OMA1: variants seen among roughly 807,000 people sequenced by gnomAD.
The protein encoded by OMA1 is metalloendopeptidase OMA1, mitochondrial.
A neutral mutation model predicts 30.9 loss-of-function variants in OMA1; 38 were observed. The observed-to-expected ratio is 1.23, with a 90% CI of 0.95 to 1.61. OMA1 has a LOEUF of 1.61. OMA1 is among the 40% of genes most tolerant of loss of function. The pLI is 0.00. For missense variants in OMA1, 461 were observed against 349.2 expected (o/e 1.32, Z -2.55); for synonymous variants, 173 against 121.9 (o/e 1.42, Z -2.76).
chr1:58,538,074 G>C (rs1646546002), intron 2 of OMA1, among the ~76,000 whole-genome samples: 1 of 152,142 alleles, frequency 6.6e-6, no homozygotes, highest in South Asian at 2.1e-4. Flanking sequence ...CTTGGTTTTT[G>C]ATCAAAAGCA....
In OMA1 at chr1:58,485,208, A is replaced by G. The variant is rs141477591; in HGVS notation, c.1366-4034T>C. ...TTAAAAGTTGAAGCTTTAGAGTCTA[A>G]AAATAAAAGAGTCTACTACTAAAAA... On this transcript the variant is annotated intron_variant, in intron 8 of 8. Transcript: ENST00000371226. Among the ~76,000 whole-genome samples, 502 of 149,774 alleles carry G rather than the reference A, an allele frequency of 3.4e-3. 2 individuals carry two copies. The highest frequency in any genetic ancestry group is 5.1e-3 in the Non-Finnish European group (346 of 67,402).
intron 7 of OMA1, among the ~76,000 whole-genome samples, chr1:58,520,599 C>A (rs1646246919): frequency 6.6e-6 from 1 of 152,068 alleles, no homozygotes; most frequent in Non-Finnish European, 1.5e-5. Context: ...CACAAGAACA[C>A]AGGAGGTTTG....
intron 8 of OMA1, among the ~76,000 whole-genome samples, chr1:58,504,129 A>G (rs759934699): frequency 9.9e-5 from 15 of 152,206 alleles, no homozygotes; most frequent in Non-Finnish European, 2.1e-4. Context: ...AACATGAGTC[A>G]AATCAAGTCA....
chr1:58,526,923 G>T (rs1243627680), intron 7 of OMA1, among the ~76,000 whole-genome samples: 1 of 152,100 alleles, frequency 6.6e-6, no homozygotes, highest in African/African-American at 2.4e-5. Context: ...ATTTCAATTT[G>T]TATGTTTCAT....
intron 8 of OMA1, among the ~76,000 whole-genome samples, chr1:58,489,349 C>A (rs2100369157): frequency 6.6e-6 from 1 of 152,368 alleles, no homozygotes; most frequent in East Asian, 1.9e-4. Context: ...TCATTACTAG[C>A]ACAGCAGTCT....
At chr1:58,481,254 C>T (rs1185659468) in intron 8 of OMA1, 80 bp from the exon 9 acceptor site, 1 of 493,334 alleles carries the variant, frequency 2.0e-6, no homozygotes, top group East Asian at 3.3e-5. Context: ...CCCTAATATG[C>T]TCCATGTAAA....
chr1:58,546,039 T>C (rs1434832708), intron 1 of OMA1, among the ~76,000 whole-genome samples: 1 of 152,142 alleles, frequency 6.6e-6, no homozygotes, highest in Non-Finnish European at 1.5e-5. Flanking sequence ...GGACTACAAT[T>C]TCTTGTTGAG....
At chr1:58,520,038 T>C (rs1377716674) in intron 7 of OMA1, among the ~76,000 whole-genome samples, 1 of 151,974 alleles carries the variant, frequency 6.6e-6, no homozygotes, top group African/African-American at 2.4e-5. Flanking sequence ...AAGGGGGAGC[T>C]AAACATTGAC....
chr1:58,493,406 G>A (rs1466677826), intron 8 of OMA1, among the ~76,000 whole-genome samples: 1 of 152,116 alleles, frequency 6.6e-6, no homozygotes, highest in Non-Finnish European at 1.5e-5. Flanking sequence ...AGTGTTGGAA[G>A]TTCTGGCCAG....
chr1:58,513,168 G>A (rs528808700), intron 7 of OMA1, among the ~76,000 whole-genome samples: 1 of 152,104 alleles, frequency 6.6e-6, no homozygotes, highest in African/African-American at 2.4e-5. Context: ...TGCTGTTCTC[G>A]TGATACTGAG....
At chr1:58,487,854 A>T (rs895424405) in intron 8 of OMA1, among the ~76,000 whole-genome samples, 2 of 152,082 alleles carry the variant, frequency 1.3e-5, no homozygotes, top group Non-Finnish European at 2.9e-5. Context: ...ACATTATCTA[A>T]CTAAAAATAA....
At chr1:58,512,969 T>C (rs1646104567) in intron 7 of OMA1, among the ~76,000 whole-genome samples, 1 of 152,164 alleles carries the variant, frequency 6.6e-6, no homozygotes, top group Admixed American at 6.5e-5. Flanking sequence ...AATACTCAGT[T>C]TATCACAAGT....
At chr1:58,498,025 A>G (rs1645833710) in intron 8 of OMA1, among the ~76,000 whole-genome samples, 1 of 152,104 alleles carries the variant, frequency 6.6e-6, no homozygotes, top group Admixed American at 6.6e-5. Flanking sequence ...GCATAGAGAG[A>G]AAATTATTTT....
intron 1 of OMA1, among the ~76,000 whole-genome samples, chr1:58,546,256 C>G (rs1646702456): frequency 6.6e-6 from 1 of 152,228 alleles, no homozygotes; most frequent in African/African-American, 2.4e-5. Flanking sequence ...GAGACGAATG[C>G]CCGACGCGCC....
chr1:58,523,702 A>C (rs1010651661), intron 7 of OMA1, among the ~76,000 whole-genome samples: 2 of 152,158 alleles, frequency 1.3e-5, no homozygotes, highest in Non-Finnish European at 2.9e-5. Context: ...GATCGAGACC[A>C]TCCTGGCTAA....
At chr1:58,537,979 C>T (rs1646544109) in intron 2 of OMA1, among the ~76,000 whole-genome samples, 2 of 152,190 alleles carry the variant, frequency 1.3e-5, no homozygotes, top group African/African-American at 4.8e-5. Context: ...GAGCGTATTA[C>T]TTCAACCAAT....
At chr1:58,513,765 A>AT (rs1392917534) in intron 7 of OMA1, among the ~76,000 whole-genome samples, 1 of 152,228 alleles carries the variant, frequency 6.6e-6, no homozygotes, top group Non-Finnish European at 1.5e-5. Flanking sequence ...AACACATTAT[A>AT]TTAACTCATT....
chr1:58,499,506 A>ATAGATAGATAGG, intron 8 of OMA1, among the ~76,000 whole-genome samples: 1 of 135,356 alleles, frequency 7.4e-6, no homozygotes, highest in Admixed American at 7.4e-5. Context: ...AGATAGATAG[A>ATAGATAGATAGG]TAAATAGATA....
chr1:58,481,037 C>T lies in OMA1; in HGVS notation c.1503G>A (p.Met501Ile), dbSNP rs768227326. The change falls in exon 9 of 9, where the codon ATG (methionine) becomes ATA (isoleucine). Residue 501 changes from methionine to isoleucine, a missense_variant. Met to Ile is a conservative substitution (Grantham distance 10). Transcript: ENST00000371226. Reference sequence around the variant, plus strand: ...CCTGTTTTTGAATAGGAAGAGTATCCATTTTCTGTTTCTTCGTGATATTTA... The same window carrying T: ...CCTGTTTTTGAATAGGAAGAGTATCTATTTTCTGTTTCTTCGTGATATTTA... ...EDLNITKKQK[M>I]DTLPIQKQEQ... is the part of the protein sequence containing the mutation. The T allele has an allele frequency of 1.1e-6, 1 of 871,614 alleles. No individual in the cohort carries two copies. The highest frequency in any genetic ancestry group is 2.0e-6 in the Non-Finnish European group (1 of 501,166). 54.0% of individuals were successfully genotyped at this position (871,614 alleles called of 1,614,324 possible).
Sources: allele counts gnomAD v4.1 joint callset (sites outside exome capture counted in the v4.1 genomes callset), GRCh38; gene constraint gnomAD v4.1.1; transcripts MANE v1.5; gene names NCBI Gene and HGNC (gene_info 2026-07-23, HGNC 2026-07-21).